ACTR3C: variants seen among roughly 807,000 people sequenced by gnomAD.
ACTR3C encodes the protein actin related protein 3C.
ACTR3C carries 18 observed loss-of-function variants against 26.3 expected under a neutral mutation model. The ratio of observed to expected loss-of-function variants is 0.68; its 90% CI spans 0.47 to 1.01. The LOEUF is 1.01. Ranked by LOEUF, ACTR3C falls within the 50% of genes least tolerant of loss-of-function variation. The pLI is 0.00. For missense variants in ACTR3C, 184 were observed against 250.7 expected (o/e 0.73, Z 1.80); for synonymous variants, 55 against 94.5 (o/e 0.58, Z 2.42).
chr7:149,975,509 C>A, the ACTR3C span, among the ~76,000 whole-genome samples: 1 of 151,832 alleles, frequency 6.6e-6, no homozygotes, highest in African/African-American at 2.4e-5. Flanking sequence ...AAAAGAAGAG[C>A]AAGCTAAACC....
the ACTR3C span, among the ~76,000 whole-genome samples, chr7:150,229,872 T>C: frequency 6.6e-6 from 1 of 151,908 alleles, no homozygotes; most frequent in East Asian, 1.9e-4. Context: ...CTTTCTGTTT[T>C]TATTATCTGG....
the ACTR3C span, among the ~76,000 whole-genome samples, chr7:150,231,475 C>T: frequency 1.3e-5 from 2 of 151,458 alleles, no homozygotes; most frequent in African/African-American, 4.9e-5. Context: ...GATCACTGAA[C>T]ATGCTGGCTG....
At chr7:150,239,532 CTCTCTCTCTA>C (rs1185436404), downstream of ACTR3C, among the ~76,000 whole-genome samples, 4 of 121,246 alleles carry the variant, frequency 3.3e-5, no homozygotes, top group East Asian at 2.2e-4. Context: ...CTCTCTCTCT[CTCTCTCTCTA>C]TATATATATA....
the ACTR3C span, among the ~76,000 whole-genome samples, chr7:149,999,774 T>C: frequency 0.2 from 29,257 of 146,772 alleles, 3,393 homozygotes; most frequent in East Asian, 0.3. Context: ...CATCCCATCA[T>C]CTCTACCTAC....
At chr7:149,930,202 CAT>C in the ACTR3C span, among the ~76,000 whole-genome samples, 1 of 152,140 alleles carries the variant, frequency 6.6e-6, no homozygotes, top group Non-Finnish European at 1.5e-5. Context: ...CCATAAAAGA[CAT>C]GAATCCGTAC....
At chr7:150,206,980 A>G in the ACTR3C span, among the ~76,000 whole-genome samples, 3 of 152,248 alleles carry the variant, frequency 2.0e-5, no homozygotes, top group Non-Finnish European at 4.4e-5. Flanking sequence ...CCTGTACTGC[A>G]GGGAATTAGA....
In ACTR3C at chr7:150,305,563, G is replaced by A. The variant is rs553507104; in HGVS notation, c.-51-10216C>T. ...TCACCACGCCCTCTCATTGCTGGTC[G>A]TCTGCATGTGCTGCTTGTTTGCTCT... On this transcript the variant is annotated intron_variant, in intron 1 of 7. Transcript: ENST00000683684. Among the ~76,000 whole-genome samples, 7 of 152,248 alleles carry A rather than the reference G, an allele frequency of 4.6e-5. No individual in the cohort carries two copies. In the East Asian group the frequency reaches 9.7e-4, roughly 21 times the overall value.
the ACTR3C span, among the ~76,000 whole-genome samples, chr7:150,091,012 C>T: frequency 1.8e-3 from 281 of 152,044 alleles, 1 homozygote; most frequent in African/African-American, 6.5e-3. Flanking sequence ...GAAAGGATAG[C>T]AGGAATTAAT....
the ACTR3C span, among the ~76,000 whole-genome samples, chr7:149,998,554 G>A: frequency 1.3e-5 from 2 of 149,552 alleles, no homozygotes; most frequent in Admixed American, 1.3e-4. Context: ...GGAAGGAGAA[G>A]TGCTGAGCAA....
chr7:150,019,109 G>A, the ACTR3C span, among the ~76,000 whole-genome samples: 10 of 150,216 alleles, frequency 6.7e-5, 3 homozygotes, highest in African/African-American at 2.5e-4. Flanking sequence ...CTTAATGTCT[G>A]CTTGGAAAAA....
the ACTR3C span, among the ~76,000 whole-genome samples, chr7:150,129,038 C>T: frequency 6.6e-6 from 1 of 151,252 alleles, no homozygotes; most frequent in Non-Finnish European, 1.5e-5. Flanking sequence ...GGAGGTGCTT[C>T]ACAGAAGACC....
chr7:149,951,904 C>CT, the ACTR3C span, among the ~76,000 whole-genome samples: 1 of 150,366 alleles, frequency 6.7e-6, no homozygotes, highest in African/African-American at 2.5e-5. Context: ...GTGGATTAGT[C>CT]TGCTTGGCTG....
At chr7:150,241,395 G>A (rs1020716962), downstream of ACTR3C, among the ~76,000 whole-genome samples, 3 of 152,104 alleles carry the variant, frequency 2.0e-5, no homozygotes, top group African/African-American at 7.2e-5. Context: ...ACAGAGACAC[G>A]AGAGCTAGTC....
the ACTR3C span, among the ~76,000 whole-genome samples, chr7:150,203,063 A>G: frequency 1.3e-5 from 2 of 152,270 alleles, no homozygotes; most frequent in Non-Finnish European, 1.5e-5. Context: ...TGACTCAGCA[A>G]AAGAAGTGGA....
intron 1 of ACTR3C, among the ~76,000 whole-genome samples, chr7:150,301,257 A>G (rs534138898): frequency 6.6e-6 from 1 of 152,346 alleles, no homozygotes; most frequent in South Asian, 2.1e-4. Context: ...GGGAAGTATC[A>G]GGAGAGAAAG....
chr7:149,980,035 A>AT, the ACTR3C span, among the ~76,000 whole-genome samples: 3 of 152,108 alleles, frequency 2.0e-5, no homozygotes, highest in Non-Finnish European at 4.4e-5. Flanking sequence ...ATGTTTTAGA[A>AT]TTGTTCTCTA....
At chr7:150,005,779 T>C in the ACTR3C span, among the ~76,000 whole-genome samples, 501 of 152,372 alleles carry the variant, frequency 3.3e-3, 4 homozygotes, top group Middle Eastern at 0.014. Context: ...CAAATGCTTC[T>C]GACGGGACAT....
At chr7:150,243,448 T>C (rs901280629), downstream of ACTR3C, among the ~76,000 whole-genome samples, 1 of 152,118 alleles carries the variant, frequency 6.6e-6, no homozygotes, top group African/African-American at 2.4e-5. Context: ...GTGGAACTTA[T>C]GGTTAATTCT....
At chr7:150,284,016 A>C (rs1273965504) in intron 6 of ACTR3C, among the ~76,000 whole-genome samples, 3 of 151,732 alleles carry the variant, frequency 2.0e-5, no homozygotes. Flanking sequence ...GAAAAAAATC[A>C]TAATAATACA....
Sources: gnomAD v4.1 joint callset for allele counts (sites outside exome capture counted in the v4.1 genomes callset) on GRCh38, gnomAD v4.1.1 for gene constraint, MANE v1.5 for transcripts, NCBI Gene and HGNC (gene_info 2026-07-23, HGNC 2026-07-21) for gene names.